The following PRKCZ variants were observed in gnomAD, a reference collection of about 807,000 sequenced individuals.
PRKCZ encodes protein kinase C zeta type.
Under a neutral mutation model 79.5 loss-of-function variants are expected in PRKCZ, and 33 were observed. The observed-to-expected ratio is 0.41, with a 90% CI of 0.31 to 0.55. The LOEUF (loss-of-function observed/expected upper bound fraction) is 0.55, where lower values mean the gene tolerates loss of function less well. Among genes scored for constraint, PRKCZ ranks in the 20% least tolerant of loss-of-function variants. The probability of loss-of-function intolerance (pLI) is 0.19; values close to 1 mark genes in which losing one functional copy is unlikely to be tolerated. For synonymous variants in PRKCZ, 342 were observed against 320.9 expected, an observed-to-expected ratio of 1.07 and a Z score of -0.70; for missense variants, 578 against 813.5, an observed-to-expected ratio of 0.71 and a Z score of 3.52.
chr1:2,073,156 G>A (rs1661768978), intron 4 of PRKCZ, among the ~76,000 whole-genome samples: 2 of 152,114 alleles, frequency 1.3e-5, no homozygotes, highest in South Asian at 4.1e-4. Context: ...GAATGCGGGT[G>A]TCTCCTGCCT....
rs756500945 is a variant in PRKCZ, at chr1:2,071,354, C to T, written c.334+11763C>T. On this transcript the variant is annotated intron_variant, in intron 4 of 17. Transcript: ENST00000378567. ...CCGAGTGTGTTCCAGGCCCCGGCGG[C>T]GTCTGAGAGGAGGCGGCCAAACCTA... 17 of 465,462 alleles carry T rather than the reference C, an allele frequency of 3.7e-5. No individual in the cohort carries two copies. In the East Asian group the frequency reaches 8.1e-4, roughly 22 times the overall value. The allele number at this position is 465,462 out of a possible 1,614,324, so 28.8% of individuals were successfully genotyped here.
At position 2,069,240 on chromosome 1, in the gene PRKCZ, C is replaced by T. The variant is rs374014515; in HGVS notation, c.334+9649C>T. Among the ~76,000 whole-genome samples the T allele has an allele frequency of 7.2e-5, 11 of 152,314 alleles. No homozygotes were observed. In the East Asian group the frequency reaches 7.7e-4, roughly 11 times the overall value. ...GAGATCCTCTAGCCTTTGGCCTCTCCGGACCCAGCCCCAGCTGCAGGCCCC... is the reference window on the plus strand; with the variant it reads ...GAGATCCTCTAGCCTTTGGCCTCTCTGGACCCAGCCCCAGCTGCAGGCCCC... On this transcript the variant is annotated intron_variant, in intron 4 of 17. Transcript: ENST00000378567.
Position 2,172,662 on chromosome 1 carries a change from G to T in PRKCZ, c.1285+274G>T, listed in dbSNP as rs1406721170. ...CACAGGGAGGGGAAAGACACAGAAA[G>T]CGGGGGTGGGACAGGGTGCAGCACC... On this transcript the variant is annotated intron_variant, in intron 13 of 17. Transcript: ENST00000378567. This position sits in a 1 kb window ranked among gnomAD's most constrained non-coding sequence, Gnocchi z 7.8. Among the ~76,000 whole-genome samples the T allele has an allele frequency of 3.3e-5, 5 of 152,192 alleles. No homozygotes were observed. The East Asian group carries it at 9.6e-4, about 29-fold the overall frequency.
At chr1:2,175,518 A>T (rs1362765655) in intron 16 of PRKCZ, among the ~76,000 whole-genome samples, 1 of 71,374 alleles carries the variant, frequency 1.4e-5, no homozygotes, top group Non-Finnish European at 2.7e-5. Context: ...CCAACCCCCA[A>T]CTCAACCCCC....
intron 1 of PRKCZ, among the ~76,000 whole-genome samples, chr1:2,052,801 G>A (rs999448824): frequency 7.9e-5 from 12 of 152,290 alleles, no homozygotes; most frequent in Admixed American, 2.0e-4. Context: ...GGGGTGAGAC[G>A]CTGCTGTCCG....
intron 4 of PRKCZ, among the ~76,000 whole-genome samples, chr1:2,099,178 C>T (rs1667040500): frequency 6.6e-6 from 1 of 152,182 alleles, no homozygotes; most frequent in Non-Finnish European, 1.5e-5. Flanking sequence ...CCTTCATCAC[C>T]ATCATCCAGG....
intron 4 of PRKCZ, among the ~76,000 whole-genome samples, chr1:2,066,358 TTC>T (rs148986496): frequency 6.6e-6 from 1 of 151,918 alleles, no homozygotes; most frequent in South Asian, 2.1e-4. Context: ...TTCTCTTTCT[TTC>T]TCTCTCTCTC....
At chr1:2,069,182 C>T (rs1442354478) in intron 4 of PRKCZ, among the ~76,000 whole-genome samples, 2 of 152,222 alleles carry the variant, frequency 1.3e-5, no homozygotes, top group African/African-American at 4.8e-5. Context: ...CGGGAGAGCC[C>T]TCCCCTGCAT....
At chr1:2,169,351 C>G (rs946840835) in intron 10 of PRKCZ, 167 bp from the exon 11 acceptor site, 1 of 690,888 alleles carries the variant, frequency 1.4e-6, no homozygotes, top group Non-Finnish European at 2.7e-6. Context: ...AGCCCGTCCC[C>G]ACCAGCCCCT....
rs376064707 is a variant in PRKCZ, at chr1:2,059,622, G to T, written c.334+31G>T. ...TACTGGGGTTTCCTACGCCGGTCTCGCATGTTACGGGGTTGAACTGTTGAT... is the reference window on the plus strand; with the variant it reads ...TACTGGGGTTTCCTACGCCGGTCTCTCATGTTACGGGGTTGAACTGTTGAT... On this transcript the variant is annotated intron_variant, in intron 4 of 17. Coordinates refer to ENST00000378567, the MANE Select transcript of PRKCZ (RefSeq NM_002744.6). 9 of 1,612,524 alleles carry T rather than the reference G, an allele frequency of 5.6e-6. No individual in the cohort carries two copies. The Admixed American group carries it at 1.2e-4, about 21-fold the overall frequency.
At position 2,168,905 on chromosome 1, in the gene PRKCZ, C is replaced by G; in HGVS notation, c.975-613C>G. The G allele has an allele frequency of 3.8e-6, 1 of 266,604 alleles. No homozygotes were observed. The highest frequency in any genetic ancestry group is 7.8e-6 in the Non-Finnish European group (1 of 128,846). The allele number at this position is 266,604 out of a possible 1,614,324, so 16.5% of individuals were successfully genotyped here. A position where few individuals can be genotyped will look rare whatever the true frequency, so the allele number is the denominator to read the frequency against. Reference sequence around the variant, plus strand: ...AAAAGATCTTATTAGGAAGAGAAACCATGTGGCCCAGTCCCTGAGACGGGA... The same window carrying G: ...AAAAGATCTTATTAGGAAGAGAAACGATGTGGCCCAGTCCCTGAGACGGGA... On this transcript the variant is annotated intron_variant, in intron 10 of 17. Coordinates refer to ENST00000378567, the MANE Select transcript of PRKCZ (RefSeq NM_002744.6). The surrounding 1 kb of genome is among the most constrained non-coding windows in gnomAD (Gnocchi z 4.7).
intron 4 of PRKCZ, chr1:2,071,380 G>C: frequency 2.2e-6 from 1 of 449,384 alleles, no homozygotes; most frequent in East Asian, 7.2e-5. Flanking sequence ...GCCAAACCTA[G>C]TGGGGCTGCG....
chr1:2,061,587 G>A (rs1459991514), intron 4 of PRKCZ, among the ~76,000 whole-genome samples: 6 of 152,186 alleles, frequency 3.9e-5, no homozygotes, highest in African/African-American at 1.4e-4. Flanking sequence ...CGGCTTCGGG[G>A]ACCACTCAGC....
intron 4 of PRKCZ, among the ~76,000 whole-genome samples, chr1:2,109,036 C>G (rs1669176966): frequency 6.6e-6 from 1 of 151,630 alleles, no homozygotes; most frequent in Non-Finnish European, 1.5e-5. Flanking sequence ...GATACAGCCG[C>G]CCCCCCATCC....
At chr1:2,054,002 C>T (rs886488224) in intron 1 of PRKCZ, among the ~76,000 whole-genome samples, 1 of 152,094 alleles carries the variant, frequency 6.6e-6, no homozygotes, top group Non-Finnish European at 1.5e-5. Flanking sequence ...GCCCAGGTGG[C>T]CCAGGGTGAC....
chr1:2,090,596 A>G (rs1230331646), intron 4 of PRKCZ, among the ~76,000 whole-genome samples: 1 of 152,204 alleles, frequency 6.6e-6, no homozygotes, highest in African/African-American at 2.4e-5. Flanking sequence ...AAGAAACACC[A>G]GTGCTTCTCC....
chr1:2,121,729 TACTTAG>T, intron 4 of PRKCZ, among the ~76,000 whole-genome samples: 1 of 69,104 alleles, frequency 1.4e-5, no homozygotes, highest in East Asian at 5.5e-4. Flanking sequence ...GTCACGGCGG[TACTTAG>T]GGTCACGGCG....
intron 9 of PRKCZ, among the ~76,000 whole-genome samples, chr1:2,154,750 G>A (rs893815149): frequency 3.3e-5 from 5 of 152,170 alleles, no homozygotes; most frequent in African/African-American, 4.8e-5. Flanking sequence ...TGAGAACTTC[G>A]TCCAGCTCTA....
chr1:2,112,228 G>T (rs1009870212), intron 4 of PRKCZ, among the ~76,000 whole-genome samples: 5 of 152,170 alleles, frequency 3.3e-5, no homozygotes, highest in African/African-American at 1.2e-4. Context: ...CCCCTAAATT[G>T]CTCATAAAAC....
Sources: allele counts gnomAD v4.1 joint callset (sites outside exome capture counted in the v4.1 genomes callset), GRCh38; gene constraint gnomAD v4.1.1; non-coding constraint Gnocchi (gnomAD v3.1); transcripts MANE v1.5; gene names NCBI Gene and HGNC (gene_info 2026-07-23, HGNC 2026-07-21).